Variants in TENM1 observed in about 807,000 individuals in gnomAD.
TENM1 encodes the protein teneurin transmembrane protein 1.
A neutral mutation model predicts 174.8 loss-of-function variants in TENM1; 35 were observed. The ratio of observed to expected loss-of-function variants is 0.20; its 90% CI spans 0.15 to 0.27. The LOEUF is 0.27. TENM1 is among the 10% of genes least tolerant of loss of function. The pLI, the probability that TENM1 is intolerant of heterozygous loss-of-function variation, is 1.00. For synonymous variants in TENM1, 781 were observed against 798.7 expected (o/e 0.98, Z 0.37); for missense variants, 1,633 against 2,130.1 (o/e 0.77, Z 4.59).
chrX:124,844,861 A>G (rs1487990353), intron 3 of TENM1, among the ~76,000 whole-genome samples: 1 of 111,053 alleles, frequency 9.0e-6, no homozygotes, highest in Non-Finnish European at 1.9e-5. Context: ...CTGACCCCCT[A>G]CTGTTTCTCA....
At chrX:125,147,003 AAT>A in the TENM1 span, among the ~76,000 whole-genome samples, 2 of 110,619 alleles carry the variant, frequency 1.8e-5, no homozygotes, top group African/African-American at 6.6e-5. Flanking sequence ...ACACATATGA[AAT>A]ATACACACAC....
chrX:124,910,917 ATTT>A (rs751665035), intron 1 of TENM1, among the ~76,000 whole-genome samples: 1 of 101,908 alleles, frequency 9.8e-6, no homozygotes. Context: ...ATATATTATA[ATTT>A]TTTTTTTTTT....
At chrX:125,059,401 C>A in the TENM1 span, among the ~76,000 whole-genome samples, 1 of 111,402 alleles carries the variant, frequency 9.0e-6, no homozygotes, top group Non-Finnish European at 1.9e-5. Flanking sequence ...TATAGCAAAG[C>A]AAATTGACAT....
At chrX:125,080,327 C>T in the TENM1 span, among the ~76,000 whole-genome samples, 1 of 111,964 alleles carries the variant, frequency 8.9e-6, no homozygotes, top group Non-Finnish European at 1.9e-5. Context: ...CACAGCTTGC[C>T]TATGTGCCTC....
At chrX:124,686,257 T>C (rs752165676) in intron 5 of TENM1, among the ~76,000 whole-genome samples, 1 of 111,503 alleles carries the variant, frequency 9.0e-6, no homozygotes, top group South Asian at 3.8e-4. Flanking sequence ...CTGGCAAAGC[T>C]GTTCTTCAGA....
intron 11 of TENM1, among the ~76,000 whole-genome samples, chrX:124,596,788 T>C (rs758650790): frequency 1.5e-4 from 17 of 111,165 alleles, no homozygotes; most frequent in African/African-American, 2.3e-4. Flanking sequence ...ATAGTAGCAA[T>C]TGAAAAACCC....
At chrX:124,627,959 T>C (rs941904125) in intron 11 of TENM1, among the ~76,000 whole-genome samples, 2 of 111,868 alleles carry the variant, frequency 1.8e-5, no homozygotes. Flanking sequence ...TGTCATTTCA[T>C]ATTTGTATTC....
At chrX:124,505,460 TAC>T (rs1314935500) in intron 18 of TENM1, among the ~76,000 whole-genome samples, 1 of 111,587 alleles carries the variant, frequency 9.0e-6, no homozygotes, top group Non-Finnish European at 1.9e-5. Flanking sequence ...CAATACTGTC[TAC>T]AGTCTCCCTG....
In TENM1 at chrX:124,451,345, T is replaced by C. The variant is rs777217982; in HGVS notation, c.4104+1992A>G. Reference sequence around the variant, plus strand: ...GTAAAATAGATCTCAGAGGGGATGTTGCTTTTACTTAAGAAAACTTCCAAA... The same window carrying C: ...GTAAAATAGATCTCAGAGGGGATGTCGCTTTTACTTAAGAAAACTTCCAAA... On this transcript the variant is annotated intron_variant, in intron 23 of 31. Coordinates refer to ENST00000422452, the Ensembl canonical transcript of TENM1. Among the ~76,000 whole-genome samples, 4 of 111,426 alleles carry C rather than the reference T, an allele frequency of 3.6e-5. No individual in the cohort carries two copies. In the South Asian group the frequency reaches 1.1e-3, roughly 31 times the overall value.
intron 3 of TENM1, among the ~76,000 whole-genome samples, chrX:124,753,819 T>C (rs2054150177): frequency 8.9e-6 from 1 of 111,967 alleles, no homozygotes; most frequent in Non-Finnish European, 1.9e-5. Context: ...CGAACCAGCC[T>C]TGCATCCCAG....
At chrX:124,615,236 T>C (rs893427102) in intron 11 of TENM1, among the ~76,000 whole-genome samples, 1 of 112,420 alleles carries the variant, frequency 8.9e-6, no homozygotes, top group African/African-American at 3.2e-5. Flanking sequence ...TGTTCCTGTA[T>C]GAAAGTGTCT....
At chrX:124,501,613 CG>C (rs1247897617) in intron 19 of TENM1, among the ~76,000 whole-genome samples, 1 of 111,831 alleles carries the variant, frequency 8.9e-6, no homozygotes, top group Non-Finnish European at 1.9e-5. Flanking sequence ...TAAAGAGTTA[CG>C]TTTTTTTCCA....
chrX:125,186,072 G>A, the TENM1 span, among the ~76,000 whole-genome samples: 1 of 109,779 alleles, frequency 9.1e-6, no homozygotes, highest in Non-Finnish European at 1.9e-5. Flanking sequence ...GTCATTTTGA[G>A]ATGAAATGCC....
At chrX:125,160,215 A>G in the TENM1 span, among the ~76,000 whole-genome samples, 4 of 105,385 alleles carry the variant, frequency 3.8e-5, no homozygotes, top group Admixed American at 4.1e-4. Context: ...GAAAAAAAAA[A>G]AAAAGAAAAA....
chrX:124,992,542 T>C, the TENM1 span, among the ~76,000 whole-genome samples: 3 of 111,164 alleles, frequency 2.7e-5, no homozygotes, highest in East Asian at 8.6e-4. Context: ...CCATAAAACC[T>C]AAATGTGTTA....
chrX:124,879,594 C>A (rs1603258458), intron 3 of TENM1, among the ~76,000 whole-genome samples: 2 of 111,732 alleles, frequency 1.8e-5, no homozygotes, highest in Admixed American at 9.5e-5. Context: ...GTGCAGGTGT[C>A]CCTTTGATAT....
chrX:124,596,734 G>T (rs924508745), intron 11 of TENM1, among the ~76,000 whole-genome samples: 1 of 111,638 alleles, frequency 9.0e-6, no homozygotes, highest in African/African-American at 3.3e-5. Context: ...AGAGGTCAGA[G>T]AATTCAGGCC....
chrX:125,203,636 C>A, the TENM1 span, among the ~76,000 whole-genome samples: 1 of 112,658 alleles, frequency 8.9e-6, no homozygotes, highest in African/African-American at 3.2e-5. Context: ...TCTGCCACCT[C>A]GGGCAGGAGT....
chrX:124,538,350 C>T (rs16999277), intron 15 of TENM1, among the ~76,000 whole-genome samples: 10,718 of 110,878 alleles, frequency 0.097, 392 homozygotes, highest in Middle Eastern at 0.13. Flanking sequence ...GGAAAAGCAA[C>T]GGGGACAGAC....
Sources: gnomAD v4.1 joint callset for allele counts (sites outside exome capture counted in the v4.1 genomes callset) on GRCh38, gnomAD v4.1.1 for gene constraint, MANE v1.5 for transcripts, NCBI Gene and HGNC (gene_info 2026-07-23, HGNC 2026-07-21) for gene names.